Variants in ZNF608 observed in about 807,000 individuals in gnomAD.
ZNF608 encodes the protein renal carcinoma antigen NY-REN-36.
In ZNF608, 12 loss-of-function variants were observed where a neutral mutation model predicts 109.0. The observed-to-expected ratio is 0.11, with a 90% confidence interval of 0.07 to 0.18. The LOEUF (loss-of-function observed/expected upper bound fraction) is 0.18. Ranked by LOEUF, ZNF608 falls within the 10% of genes least tolerant of loss-of-function variation. The pLI is 1.00. For synonymous variants in ZNF608, 732 were observed against 717.4 expected, an observed-to-expected ratio of 1.02 and a Z score of -0.33; for missense variants, 1,707 against 1,879.3, an observed-to-expected ratio of 0.91 and a Z score of 1.70.
rs1464229636 is a variant in ZNF608 at position 124,676,683 on chromosome 5, CA to C, written c.1162+24330del. ...AAATAGTAAAGAACTGGCCACAACC[CA>C]AAAGTCCATGGGCACAAGAATGGAT... On this transcript the variant is annotated intron_variant, in intron 3 of 9. Transcript: ENST00000513986. Among the ~76,000 whole-genome samples, 75 of 152,164 alleles carry C rather than the reference CA, an allele frequency of 4.9e-4. 1 individual carries two copies. Among genetic ancestry groups the C allele is most frequent in the African/African-American group, 1.7e-3 (71 of 41,500 alleles).
Position 124,641,299 on chromosome 5 carries a change from A to C in ZNF608, c.4403T>G (p.Val1468Gly). The C allele has an allele frequency of 1.2e-6, 2 of 1,613,946 alleles. No homozygotes were observed. The highest frequency in any genetic ancestry group is 1.7e-6 in the Non-Finnish European group (2 of 1,180,026). The change falls in exon 8 of 10, where the codon GTT (valine) becomes GGT (glycine). Residue 1468 changes from valine (V) to glycine (G), a missense_variant. Coordinates refer to ENST00000513986, the MANE Select transcript of ZNF608 (RefSeq NM_020747.3). The part of the protein sequence containing the change: ...RHLHTHHHTH[V>G]GMGYPLIPGQ... ...CGGGATTAGCGGGTAACCCATGCCAACGTGGGTGTGGTGGTGCGTGTGCAG... is the reference window on the plus strand; with the variant it reads ...CGGGATTAGCGGGTAACCCATGCCACCGTGGGTGTGGTGGTGCGTGTGCAG...
intron 8 of ZNF608, among the ~76,000 whole-genome samples, chr5:124,640,471 A>C (rs1750187112): frequency 6.6e-6 from 1 of 152,326 alleles, no homozygotes; most frequent in Admixed American, 6.5e-5. Flanking sequence ...CAGCAGCTGC[A>C]CACAAGCCAG....
intron 8 of ZNF608, 80 bp from the exon 9 acceptor site, chr5:124,639,294 G>A: frequency 8.3e-7 from 1 of 1,203,840 alleles, no homozygotes; most frequent in Non-Finnish European, 1.2e-6. Context: ...AAGGGCCGCA[G>A]ACCTAGTAGC....
At chr5:124,738,892 G>A (rs779210359) in intron 2 of ZNF608, among the ~76,000 whole-genome samples, 1 of 152,138 alleles carries the variant, frequency 6.6e-6, no homozygotes, top group Non-Finnish European at 1.5e-5. Context: ...CTGCCACCAC[G>A]TTAAAAAACC....
chr5:124,718,182 C>T (rs559815835), intron 2 of ZNF608, among the ~76,000 whole-genome samples: 7 of 152,194 alleles, frequency 4.6e-5, no homozygotes, highest in African/African-American at 7.2e-5. Flanking sequence ...AAAAGCAAAA[C>T]TGGGACCTGC....
In ZNF608 at chr5:124,644,281, G is replaced by A. The variant is rs776644781; in HGVS notation, c.4086C>T (p.Tyr1362=). The change falls in exon 6 of 10, where the codon TAC becomes TAT. Residue 1362 remains tyrosine (Y), a synonymous_variant. Coordinates refer to ENST00000513986, the MANE Select transcript of ZNF608 (RefSeq NM_020747.3). ...PQMYDPSHPA[Y]RAVSPVLMHS... ...GCATTAGGACGGGAGAAACAGCCCG[G>A]TATGCAGGATGGCTGGGGTCGTACA... 9 of 1,612,974 alleles carry A rather than the reference G, an allele frequency of 5.6e-6. No individual in the cohort carries two copies. The highest frequency in any genetic ancestry group is 6.8e-6 in the Non-Finnish European group (8 of 1,179,030).
At chr5:124,639,745 G>A (rs1278864586) in intron 8 of ZNF608, among the ~76,000 whole-genome samples, 2 of 152,172 alleles carry the variant, frequency 1.3e-5, no homozygotes, top group Admixed American at 6.5e-5. Context: ...GACTGTAATA[G>A]CTCCAAATGG....
At chr5:124,724,653 T>C (rs1399117210) in intron 2 of ZNF608, among the ~76,000 whole-genome samples, 1 of 152,110 alleles carries the variant, frequency 6.6e-6, no homozygotes, top group Non-Finnish European at 1.5e-5. Flanking sequence ...CAGAGACACC[T>C]GGAATACGTT....
At chr5:124,725,320 A>G (rs1237921759) in intron 2 of ZNF608, among the ~76,000 whole-genome samples, 1 of 152,058 alleles carries the variant, frequency 6.6e-6, no homozygotes, top group Non-Finnish European at 1.5e-5. Flanking sequence ...TATAAGCTTC[A>G]TGATAGCAGA....
chr5:124,730,879 G>A (rs1457337743), intron 2 of ZNF608, among the ~76,000 whole-genome samples: 1 of 152,192 alleles, frequency 6.6e-6, no homozygotes, highest in South Asian at 2.1e-4. Flanking sequence ...ATTTCGGGGG[G>A]TTGTTTTTTA....
chr5:124,711,407 GA>G (rs1289218081), intron 2 of ZNF608, among the ~76,000 whole-genome samples: 1 of 152,176 alleles, frequency 6.6e-6, no homozygotes, highest in African/African-American at 2.4e-5. Context: ...ACTTTTTAAT[GA>G]AAAGATGCTA....
intron 3 of ZNF608, among the ~76,000 whole-genome samples, chr5:124,666,709 CTGTGTGTGTGTGTGTGTGTGTGTGTGTG>C (rs10546271): frequency 7.1e-6 from 1 of 140,944 alleles, no homozygotes; most frequent in Admixed American, 7.1e-5. Context: ...TGGGTTTGCT[CTGTGTGTGTGTGTGTGTGTGTGTGTGTG>C]TGTGTGTGTG....
At chr5:124,639,392 C>T (rs1381966951) in intron 8 of ZNF608, among the ~76,000 whole-genome samples, 178 bp from the exon 9 acceptor site, 1 of 152,210 alleles carries the variant, frequency 6.6e-6, no homozygotes. Flanking sequence ...TGCTATCTAT[C>T]CTTTCTTGAA....
At chr5:124,708,759 G>A (rs1222497706) in intron 2 of ZNF608, 1 of 456,164 alleles carries the variant, frequency 2.2e-6, no homozygotes, top group Non-Finnish European at 4.4e-6. Context: ...AGGCTTAGCA[G>A]CTGATCTGGT....
chr5:124,648,627 T>A lies in ZNF608; in HGVS notation c.1757A>T (p.Glu586Val). 1 of 1,614,242 alleles carries A rather than the reference T, an allele frequency of 6.2e-7. No homozygotes were observed. Among genetic ancestry groups the A allele is most frequent in the Non-Finnish European group, 8.5e-7 (1 of 1,180,038 alleles). Residue 586 changes from glutamate (E) to valine (V), a missense_variant, in exon 5 of 10, where the codon GAG (glutamate) becomes GTG (valine). Coordinates refer to ENST00000513986, the MANE Select transcript of ZNF608 (RefSeq NM_020747.3). The part of the protein sequence containing the change: ...HAHLDPENKL[E>V]FEPDSEDKIS... ...CTTGTCCTCACTGTCAGGCTCGAAC[T>A]CCAGCTTGTTTTCTGGGTCTAAGTG...
chr5:124,696,179 C>T (rs993958505), intron 3 of ZNF608, among the ~76,000 whole-genome samples: 1 of 150,548 alleles, frequency 6.6e-6, no homozygotes, highest in African/African-American at 2.4e-5. Flanking sequence ...AGTGAAACTC[C>T]GTCTCAAGAA....
chr5:124,673,573 T>G (rs928522369), intron 3 of ZNF608, among the ~76,000 whole-genome samples: 58 of 152,338 alleles, frequency 3.8e-4, no homozygotes, highest in Middle Eastern at 3.4e-3. Context: ...CATCTTTTTT[T>G]TTGTTGTTCA....
intron 2 of ZNF608, among the ~76,000 whole-genome samples, chr5:124,721,195 A>T (rs1753887118): frequency 1.3e-5 from 2 of 152,234 alleles, no homozygotes; most frequent in South Asian, 2.1e-4. Context: ...TTAAAGAATT[A>T]AAAATGTCAC....
intron 2 of ZNF608, among the ~76,000 whole-genome samples, chr5:124,721,052 C>T (rs1315133386): frequency 6.6e-6 from 1 of 152,016 alleles, no homozygotes; most frequent in Non-Finnish European, 1.5e-5. Context: ...AACAGGATGC[C>T]ATGACAGTTT....
Sources: allele counts gnomAD v4.1 joint callset (sites outside exome capture counted in the v4.1 genomes callset), GRCh38; gene constraint gnomAD v4.1.1; transcripts MANE v1.5; gene names NCBI Gene and HGNC (gene_info 2026-07-23, HGNC 2026-07-21).